MCTP1: variants seen among roughly 807,000 people sequenced by gnomAD.
MCTP1 encodes the protein multiple C2 and transmembrane domain containing 1.
In MCTP1, 69 loss-of-function variants were observed where a neutral mutation model predicts 120.6. The observed-to-expected ratio is 0.57, with a 90% confidence interval of 0.47 to 0.70. The LOEUF (loss-of-function observed/expected upper bound fraction) is 0.70, where lower values mean the gene tolerates loss of function less well. Among genes scored for constraint, MCTP1 ranks in the 30% least tolerant of loss-of-function variants. The probability of loss-of-function intolerance (pLI) is 0.00; values close to 1 mark genes in which losing one functional copy is unlikely to be tolerated. For missense variants in MCTP1, 1,203 were observed against 1,248.8 expected (o/e 0.96, Z 0.55); for synonymous variants, 529 against 493.1 (o/e 1.07, Z -0.96).
chr5:95,284,814 C>T lies in MCTP1; in HGVS notation c.-239G>A, dbSNP rs1760623958. 6.6e-6 allele frequency among the ~76,000 whole-genome samples: 1 copy of T among 152,094 alleles called. No individual in the cohort carries two copies. Among genetic ancestry groups the T allele is most frequent in the African/African-American group, 2.4e-5 (1 of 41,444 alleles). On this transcript the variant is annotated 5_prime_UTR_variant, in exon 1 of 23. Coordinates refer to ENST00000515393, the MANE Select transcript of MCTP1 (RefSeq NM_024717.7). This position sits in a 1 kb window ranked among gnomAD's most constrained non-coding sequence, Gnocchi z 5.2. ...GGACTCCGGCGCTGCCTCTTCCTCC[C>T]GCACCTGCTGGGGTGGGCTGGAGCC... is the stretch of plus-strand genomic sequence containing the variant.
chr5:95,009,270 A>G (rs1450867128), intron 2 of MCTP1, among the ~76,000 whole-genome samples: 1 of 152,140 alleles, frequency 6.6e-6, no homozygotes, highest in Non-Finnish European at 1.5e-5. Flanking sequence ...CAAGAAATCA[A>G]ATGATAGAAA....
At chr5:94,725,590 G>C (rs1368137396) in intron 19 of MCTP1, among the ~76,000 whole-genome samples, 7 of 152,190 alleles carry the variant, frequency 4.6e-5, no homozygotes, top group Admixed American at 3.9e-4. Flanking sequence ...ATGGTTGAAA[G>C]TTCAAATGCA....
At chr5:95,225,162 G>A (rs1421207976) in intron 1 of MCTP1, among the ~76,000 whole-genome samples, 1 of 152,042 alleles carries the variant, frequency 6.6e-6, no homozygotes, top group Non-Finnish European at 1.5e-5. Flanking sequence ...AGAATAATGA[G>A]CTCTTACATG....
chr5:95,147,053 C>A (rs961421296), intron 1 of MCTP1, among the ~76,000 whole-genome samples: 35 of 152,088 alleles, frequency 2.3e-4, no homozygotes, highest in African/African-American at 7.0e-4. Context: ...AATCTGGGTG[C>A]TACGATGTTG....
At chr5:95,040,925 G>GT (rs904491120) in intron 1 of MCTP1, among the ~76,000 whole-genome samples, 4 of 152,128 alleles carry the variant, frequency 2.6e-5, no homozygotes, top group Non-Finnish European at 5.9e-5. Context: ...TAAGAATGGG[G>GT]TAATTTAGAA....
intron 1 of MCTP1, among the ~76,000 whole-genome samples, chr5:95,089,637 A>T (rs1755696773): frequency 6.6e-6 from 1 of 152,156 alleles, no homozygotes; most frequent in Admixed American, 6.5e-5. Context: ...AGACCCTTCC[A>T]GCCAGGGTCT....
chr5:95,032,481 C>T (rs535247951), intron 1 of MCTP1, among the ~76,000 whole-genome samples: 52 of 151,796 alleles, frequency 3.4e-4, no homozygotes, highest in African/African-American at 1.1e-3. Context: ...GTCTTGTTTC[C>T]GAAGAACTTT....
chr5:95,128,316 G>A (rs183175518), intron 1 of MCTP1, among the ~76,000 whole-genome samples: 16 of 152,228 alleles, frequency 1.1e-4, no homozygotes, highest in African/African-American at 2.4e-4. Flanking sequence ...CCATATGACC[G>A]AGCAATTATA....
chr5:94,998,816 A>G (rs575286747), intron 2 of MCTP1, among the ~76,000 whole-genome samples: 3 of 152,196 alleles, frequency 2.0e-5, no homozygotes, highest in Non-Finnish European at 4.4e-5. Flanking sequence ...ATACATGTTA[A>G]CTCACTGAGT....
At position 95,099,366 on chromosome 5, in the gene MCTP1, C is replaced by T. The variant is rs538319162; in HGVS notation, c.721-81882G>A. On this transcript the variant is annotated intron_variant, in intron 1 of 22. Transcript: ENST00000515393. ...CAAAATGGGAGAAAATTTTCGCAAC[C>T]TACTCATCTGACAAAGGGCTAATAG... 5.4e-3 allele frequency among the ~76,000 whole-genome samples: 815 copies of T among 151,018 alleles called. 7 individuals carry two copies. The highest frequency in any genetic ancestry group is 8.4e-3 in the Non-Finnish European group (563 of 67,192).
chr5:95,176,283 G>A (rs1747966063), intron 1 of MCTP1, among the ~76,000 whole-genome samples: 2 of 152,110 alleles, frequency 1.3e-5, no homozygotes, highest in African/African-American at 4.8e-5. Flanking sequence ...CCAGAACTTT[G>A]GGAGGCAAAG....
chr5:95,010,888 G>T (rs548047840), intron 2 of MCTP1, among the ~76,000 whole-genome samples: 292 of 152,258 alleles, frequency 1.9e-3, no homozygotes, highest in Non-Finnish European at 3.5e-3. Flanking sequence ...AACACACACT[G>T]TCCAAAAGGT....
At chr5:95,083,681 A>G (rs1304863346) in intron 1 of MCTP1, among the ~76,000 whole-genome samples, 1 of 152,194 alleles carries the variant, frequency 6.6e-6, no homozygotes, top group Non-Finnish European at 1.5e-5. Context: ...AGGCTGATGA[A>G]GAGAAAAACA....
intron 17 of MCTP1, among the ~76,000 whole-genome samples, chr5:94,866,674 C>T (rs1796875769): frequency 6.6e-6 from 1 of 151,428 alleles, no homozygotes; most frequent in Admixed American, 6.6e-5. Flanking sequence ...GACCCCCTTA[C>T]AGTCTTACAG....
At chr5:95,091,925 C>A (rs1367113471) in intron 1 of MCTP1, among the ~76,000 whole-genome samples, 1 of 152,026 alleles carries the variant, frequency 6.6e-6, no homozygotes, top group Admixed American at 6.6e-5. Context: ...GCTGAAAGGC[C>A]CACAAGGAAA....
intron 1 of MCTP1, among the ~76,000 whole-genome samples, chr5:95,237,178 C>T (rs1755633608): frequency 6.6e-6 from 1 of 152,070 alleles, no homozygotes; most frequent in South Asian, 2.1e-4. Context: ...TGCAGGGTTT[C>T]CAAACATAGC....
chr5:94,874,954 T>C (rs1327217665), intron 12 of MCTP1, among the ~76,000 whole-genome samples: 1 of 152,148 alleles, frequency 6.6e-6, no homozygotes, highest in Admixed American at 6.6e-5. Context: ...CTGGGTAATG[T>C]TTTGACTGTC....
chr5:94,935,110 C>G (rs1394039047), intron 5 of MCTP1, among the ~76,000 whole-genome samples: 2 of 151,874 alleles, frequency 1.3e-5, no homozygotes, highest in Admixed American at 1.3e-4. Context: ...CTTGTACACA[C>G]AATGCTGGAA....
At chr5:94,993,649 C>G (rs1248449806) in intron 2 of MCTP1, among the ~76,000 whole-genome samples, 1 of 152,172 alleles carries the variant, frequency 6.6e-6, no homozygotes, top group Non-Finnish European at 1.5e-5. Flanking sequence ...CTCCAGCAAT[C>G]CAACCCACTG....
Sources: allele counts gnomAD v4.1 joint callset (sites outside exome capture counted in the v4.1 genomes callset), GRCh38; gene constraint gnomAD v4.1.1; non-coding constraint Gnocchi (gnomAD v3.1); transcripts MANE v1.5; gene names NCBI Gene and HGNC (gene_info 2026-07-23, HGNC 2026-07-21).